The following SPC25 variants were observed in gnomAD, a reference collection of about 807,000 sequenced individuals.
SPC25 encodes the protein kinetochore protein Spc25.
In SPC25, 22 loss-of-function variants were observed where a neutral mutation model predicts 29.6. The ratio of observed to expected loss-of-function variants is 0.74; its 90% CI spans 0.53 to 1.06. SPC25 has a LOEUF of 1.06. Among genes scored for constraint, SPC25 ranks in the 50% least tolerant of loss-of-function variants. The pLI is 0.00. For synonymous variants in SPC25, 91 were observed against 90.4 expected (o/e 1.01, Z -0.04); for missense variants, 230 against 255.8 (o/e 0.90, Z 0.69).
chr2:168,877,675 T>C (rs1157883627), intron 3 of SPC25, among the ~76,000 whole-genome samples: 1 of 152,012 alleles, frequency 6.6e-6, no homozygotes, highest in African/African-American at 2.4e-5. Context: ...AGCTCCCCAC[T>C]CCAAATAAGC....
downstream of SPC25, among the ~76,000 whole-genome samples, chr2:168,866,592 A>G (rs1574354522): frequency 6.6e-6 from 1 of 151,872 alleles, no homozygotes. Flanking sequence ...CTAAAACACC[A>G]AAAGCAATGG....
chr2:168,873,679 CTCACCTGAAA>C lies in SPC25; in HGVS notation c.452-6_455del. On this transcript the variant is annotated splice_acceptor_variant and splice_polypyrimidine_tract_variant and coding_sequence_variant and intron_variant, in exon 6 of 7. Transcript: ENST00000282074. LOFTEE classifies it high-confidence loss of function. ...TATTAGTGAAAATAAACTGCAATTT[CTCACCTGAAA>C]AGAGATTAAACTATTTAGTGTGTCA... 6.2e-7 allele frequency: 1 copy of C among 1,605,294 alleles called. No homozygotes were observed. The highest frequency in any genetic ancestry group is 8.5e-7 in the Non-Finnish European group (1 of 1,172,876).
chr2:168,873,934 A>T (rs780686463), intron 5 of SPC25, among the ~76,000 whole-genome samples: 4 of 152,198 alleles, frequency 2.6e-5, no homozygotes, highest in African/African-American at 9.6e-5. Context: ...TTCAAAGAAC[A>T]CTATCAAGAG....
chr2:168,861,954 T>C, intron 4 of SPC25: 1 of 1,613,994 alleles, frequency 6.2e-7, no homozygotes, highest in Non-Finnish European at 8.5e-7. Context: ...GCTTTATCTA[T>C]TTCAGCCCCT....
At chr2:168,888,003 G>C (rs113974571) in intron 3 of SPC25, among the ~76,000 whole-genome samples, 140 of 152,342 alleles carry the variant, frequency 9.2e-4, no homozygotes, top group Middle Eastern at 3.4e-3. Flanking sequence ...TAGAGGCCAG[G>C]CATGGTGGCT....
intron 3 of SPC25, among the ~76,000 whole-genome samples, chr2:168,877,990 C>T (rs1024205196): frequency 7.2e-5 from 11 of 152,144 alleles, no homozygotes; most frequent in African/African-American, 2.2e-4. Context: ...CAAGCCACCA[C>T]GCCTGGCCAA....
At chr2:168,883,300 T>A (rs190922573) in intron 3 of SPC25, among the ~76,000 whole-genome samples, 25 of 152,314 alleles carry the variant, frequency 1.6e-4, no homozygotes, top group Admixed American at 1.6e-3. Context: ...AGCTAGAAAG[T>A]TGTTTTGTTA....
At chr2:168,861,915 T>TTGCCTGCTAACACAGCATA in intron 4 of SPC25, 1 of 1,553,170 alleles carries the variant, frequency 6.4e-7, no homozygotes, top group Non-Finnish European at 8.9e-7. Context: ...TCATATTCAT[T>TTGCCTGCTAACACAGCATA]TGCCTGCTAA....
intron 4 of SPC25, chr2:168,863,277 G>C (rs1052941330): frequency 2.7e-6 from 1 of 373,074 alleles, no homozygotes. Context: ...TGACGAGGGA[G>C]AACTTAGAGA....
intron 5 of SPC25, among the ~76,000 whole-genome samples, chr2:168,874,876 G>C (rs1690059594): frequency 6.6e-6 from 1 of 152,114 alleles, no homozygotes. Context: ...ACGTGCTATT[G>C]TTTCTTTGCT....
intron 4 of SPC25, among the ~76,000 whole-genome samples, chr2:168,862,972 C>T (rs1451434482): frequency 6.6e-6 from 1 of 152,158 alleles, no homozygotes; most frequent in Non-Finnish European, 1.5e-5. Context: ...GTTTCCTTTG[C>T]AGCATTTGCC....
intron 4 of SPC25, 62 bp from the exon 5 acceptor site, chr2:168,876,238 GTTAA>G (rs1363475441): frequency 8.6e-7 from 1 of 1,165,684 alleles, no homozygotes; most frequent in Admixed American, 3.6e-5. Context: ...TGCTCACTGA[GTTAA>G]TTTTTTAAAC....
At chr2:168,881,402 A>G (rs525428) in intron 3 of SPC25, among the ~76,000 whole-genome samples, 125,043 of 152,146 alleles carry the variant, frequency 0.82, 51,427 homozygotes, top group East Asian at 0.91. Flanking sequence ...CCCTGGCAGG[A>G]CCACTTCTTC....
chr2:168,865,104 CT>C, intron 4 of SPC25: 1 of 904,752 alleles, frequency 1.1e-6, no homozygotes, highest in Non-Finnish European at 1.6e-6. Context: ...TGTCACAGCA[CT>C]TTGCATTCAT....
chr2:168,874,755 C>T (rs1690057593), intron 5 of SPC25, among the ~76,000 whole-genome samples: 1 of 152,110 alleles, frequency 6.6e-6, no homozygotes, highest in African/African-American at 2.4e-5. Context: ...GTAGACAACA[C>T]TTCACGTGTG....
At chr2:168,872,160 G>T (rs1463433851) in intron 6 of SPC25, among the ~76,000 whole-genome samples, 2 of 152,002 alleles carry the variant, frequency 1.3e-5, no homozygotes, top group Non-Finnish European at 2.9e-5. Context: ...TAGAGGCAGG[G>T]TTTCACCATG....
At chr2:168,864,715 G>A in intron 4 of SPC25, 1 of 1,146,966 alleles carries the variant, frequency 8.7e-7, no homozygotes, top group Admixed American at 2.1e-5. Context: ...TGAATCAAGT[G>A]CAGAAAATGA....
intron 6 of SPC25, among the ~76,000 whole-genome samples, chr2:168,871,920 A>G (rs576395183): frequency 1.3e-4 from 19 of 151,332 alleles, no homozygotes; most frequent in Admixed American, 4.0e-4. Context: ...TATCTGCAAC[A>G]CTTTGGTCTG....
At chr2:168,889,361 G>C in intron 2 of SPC25, 26 bp downstream of exon 2, 4 of 1,613,622 alleles carry the variant, frequency 2.5e-6, no homozygotes, top group South Asian at 1.1e-5. Context: ...AGCAAAACCA[G>C]CATGTTACAA....
Sources: allele counts gnomAD v4.1 joint callset (sites outside exome capture counted in the v4.1 genomes callset), GRCh38; gene constraint gnomAD v4.1.1; transcripts MANE v1.5; gene names NCBI Gene and HGNC (gene_info 2026-07-23, HGNC 2026-07-21).